TRMT11: variants seen among roughly 807,000 people sequenced by gnomAD.
The protein encoded by TRMT11 is tRNA (guanine(10)-N(2))-methyltransferase TRMT11.
Under a neutral mutation model 62.8 loss-of-function variants are expected in TRMT11, and 53 were observed. The observed-to-expected ratio is 0.84, with a 90% CI of 0.68 to 1.06. The LOEUF (loss-of-function observed/expected upper bound fraction) is 1.06, where lower values mean the gene tolerates loss of function less well. TRMT11 is among the 50% of genes least tolerant of loss of function. The pLI, the probability that TRMT11 is intolerant of heterozygous loss-of-function variation, is 0.00. For missense variants in TRMT11, 556 were observed against 553.4 expected, an observed-to-expected ratio of 1.00 and a Z score of -0.05; for synonymous variants, 188 against 190.3, an observed-to-expected ratio of 0.99 and a Z score of 0.10.
At chr6:126,217,634 G>A in the TRMT11 span, among the ~76,000 whole-genome samples, 1 of 152,192 alleles carries the variant, frequency 6.6e-6, no homozygotes, top group Non-Finnish European at 1.5e-5. Context: ...GGAGCTGGGG[G>A]AGGGGTGACA....
At chr6:126,225,704 T>A in the TRMT11 span, among the ~76,000 whole-genome samples, 2,579 of 128,092 alleles carry the variant, frequency 0.02, 60 homozygotes, top group African/African-American at 0.065. Context: ...TTTTTTTTTT[T>A]TTTTTTGAGA....
At chr6:126,207,244 A>C (rs1370780213), downstream of TRMT11, among the ~76,000 whole-genome samples, 1 of 152,166 alleles carries the variant, frequency 6.6e-6, no homozygotes, top group African/African-American at 2.4e-5. Flanking sequence ...CCTGAGACAG[A>C]GGTCTCCCAG....
chr6:126,021,270 A>G lies in TRMT11; in HGVS notation c.1250A>G (p.Lys417Arg). ...SRRLITMEKV[K>R]KFENRDQYSH... ...CGCTTGATCACAATGGAAAAGGTGAAGAAATTTGAGGTAAATTGCTTCAGT... is the reference window on the plus strand; with the variant it reads ...CGCTTGATCACAATGGAAAAGGTGAGGAAATTTGAGGTAAATTGCTTCAGT... The change falls in exon 12 of 13, where the codon AAG becomes AGG. Residue 417 changes from lysine (K) to arginine (R), a missense_variant. Coordinates refer to ENST00000334379, the MANE Select transcript of TRMT11 (RefSeq NM_001031712.3). 1 of 1,613,864 alleles carries G rather than the reference A, an allele frequency of 6.2e-7. No homozygotes were observed. The highest frequency in any genetic ancestry group is 1.3e-5 in the African/African-American group (1 of 75,070).
At chr6:125,994,713 C>T (rs1021230645) in intron 2 of TRMT11, among the ~76,000 whole-genome samples, 1 of 151,992 alleles carries the variant, frequency 6.6e-6, no homozygotes, top group Admixed American at 6.6e-5. Context: ...ACCTAAATGC[C>T]ATCAGTGATA....
At chr6:125,998,418 A>G (rs959265012) in intron 5 of TRMT11, 103 bp downstream of exon 5, 17 of 1,266,718 alleles carry the variant, frequency 1.3e-5, no homozygotes, top group Admixed American at 2.4e-5. Flanking sequence ...ATTTTGTACC[A>G]CATTTTGTGC....
rs1775765948 is a variant in TRMT11, at chr6:126,039,197, T to C, written c.*361T>C. ...TTAATAGTAGTTAAGAATTTATTCA[T>C]TTGGTAGATATGTTTATTTGGTTTT... On this transcript the variant is annotated 3_prime_UTR_variant, in exon 13 of 13. Transcript: ENST00000334379. The C allele has an allele frequency of 1.3e-5, 2 of 155,438 alleles. No individual in the cohort carries two copies. The allele number at this position is 155,438 out of a possible 1,614,324, so 9.6% of individuals were successfully genotyped here. A position where few individuals can be genotyped will look rare whatever the true frequency, so the allele number is the denominator to read the frequency against.
At chr6:126,080,709 A>G (rs1777143000) in intron 17 of TRMT11, among the ~76,000 whole-genome samples, 1 of 152,142 alleles carries the variant, frequency 6.6e-6, no homozygotes, top group African/African-American at 2.4e-5. Flanking sequence ...GACCTAAACT[A>G]CTCACGGTAG....
At chr6:126,125,087 C>G (rs572338326) in intron 21 of TRMT11, among the ~76,000 whole-genome samples, 1 of 152,010 alleles carries the variant, frequency 6.6e-6, no homozygotes. Context: ...TTTCCAGGGC[C>G]CTGTGGCTCA....
At chr6:126,205,853 AACAC>A (rs980971280), downstream of TRMT11, among the ~76,000 whole-genome samples, 1 of 150,836 alleles carries the variant, frequency 6.6e-6, no homozygotes, top group South Asian at 2.1e-4. Context: ...ACCTCAGACA[AACAC>A]ACAGACAACA....
chr6:126,231,314 AT>A, the TRMT11 span, among the ~76,000 whole-genome samples: 1 of 152,284 alleles, frequency 6.6e-6, no homozygotes, highest in East Asian at 1.9e-4. Context: ...TTATACCTGA[AT>A]TTTTTTAAAT....
At chr6:126,007,190 C>T (rs1793482987) in intron 7 of TRMT11, among the ~76,000 whole-genome samples, 2 of 151,960 alleles carry the variant, frequency 1.3e-5, no homozygotes, top group African/African-American at 4.8e-5. Context: ...TTTCATTTCT[C>T]TTCTTCATGG....
At chr6:126,070,516 C>G (rs1171093949) in intron 17 of TRMT11, among the ~76,000 whole-genome samples, 1 of 152,134 alleles carries the variant, frequency 6.6e-6, no homozygotes, top group African/African-American at 2.4e-5. Flanking sequence ...AGAAATAAAA[C>G]TCCATAGGCA....
chr6:126,218,431 G>T, the TRMT11 span, among the ~76,000 whole-genome samples: 2 of 152,180 alleles, frequency 1.3e-5, no homozygotes, highest in African/African-American at 2.4e-5. Flanking sequence ...TCTTTAGTCA[G>T]CAGGTGTTGA....
At chr6:126,111,961 G>A (rs910210780) in intron 17 of TRMT11, among the ~76,000 whole-genome samples, 6 of 135,216 alleles carry the variant, frequency 4.4e-5, no homozygotes, top group African/African-American at 2.3e-4. Flanking sequence ...CGTAAGGTAA[G>A]TTATTACTGA....
At chr6:125,996,310 A>C (rs533154052) in intron 3 of TRMT11, among the ~76,000 whole-genome samples, 1 of 152,248 alleles carries the variant, frequency 6.6e-6, no homozygotes, top group Non-Finnish European at 1.5e-5. Context: ...TATAAACACT[A>C]TGTTCTTACG....
chr6:126,175,829 T>A (rs931625548), upstream of TRMT11, among the ~76,000 whole-genome samples: 1 of 152,192 alleles, frequency 6.6e-6, no homozygotes, highest in Non-Finnish European at 1.5e-5. Flanking sequence ...CTTAAAGCAA[T>A]GATTTTCATA....
chr6:126,155,533 A>G (rs1327547114), intron 21 of TRMT11, among the ~76,000 whole-genome samples: 1 of 152,142 alleles, frequency 6.6e-6, no homozygotes, highest in Non-Finnish European at 1.5e-5. Context: ...TCAAGTCCAA[A>G]GTCCTAAGTC....
intron 17 of TRMT11, among the ~76,000 whole-genome samples, chr6:126,060,508 C>G (rs1776503654): frequency 6.6e-6 from 1 of 152,050 alleles, no homozygotes; most frequent in South Asian, 2.1e-4. Flanking sequence ...CCTGTTGACT[C>G]TGCCCTCTCT....
Position 126,111,696 on chromosome 6 carries a change from G to C in TRMT11, c.*1438-1170G>C, listed in dbSNP as rs114830434. ...GGGTTTGAAGGGCACATCATTCCAAGGCGGAATGGAGTGAGTAGGGCTTTC... is the reference window on the plus strand; with the variant it reads ...GGGTTTGAAGGGCACATCATTCCAACGCGGAATGGAGTGAGTAGGGCTTTC... On this transcript the variant is annotated intron_variant and NMD_transcript_variant, in intron 17 of 22. Transcript: ENST00000648977. 1.8e-3 allele frequency among the ~76,000 whole-genome samples: 270 copies of C among 152,184 alleles called. 1 individual carries two copies. Among genetic ancestry groups the C allele is most frequent in the African/African-American group, 6.2e-3 (258 of 41,542 alleles).
Sources: gnomAD v4.1 joint callset for allele counts (sites outside exome capture counted in the v4.1 genomes callset) on GRCh38, gnomAD v4.1.1 for gene constraint, MANE v1.5 for transcripts, NCBI Gene and HGNC (gene_info 2026-07-23, HGNC 2026-07-21) for gene names.